The following DLG2 variants were observed in gnomAD, a reference collection of about 807,000 sequenced individuals.
DLG2 encodes discs large MAGUK scaffold protein 2, also known as disks large homolog 2.
Under a neutral mutation model 132.5 loss-of-function variants are expected in DLG2, and 45 were observed. That is an observed-to-expected ratio of 0.34 (90% CI 0.27 to 0.44). The LOEUF (loss-of-function observed/expected upper bound fraction) is 0.44, where lower values mean the gene tolerates loss of function less well. Among genes scored for constraint, DLG2 ranks in the 20% least tolerant of loss-of-function variants. The probability of loss-of-function intolerance (pLI) is 1.00; values close to 1 mark genes in which losing one functional copy is unlikely to be tolerated. For missense variants in DLG2, 1,045 were observed against 1,196.9 expected (o/e 0.87, Z 1.87); for synonymous variants, 424 against 419.6 (o/e 1.01, Z -0.13).
At chr11:83,571,981 A>G (rs1358482351) in intron 19 of DLG2, among the ~76,000 whole-genome samples, 1 of 152,088 alleles carries the variant, frequency 6.6e-6, no homozygotes, top group Non-Finnish European at 1.5e-5. Flanking sequence ...AACTCTCTGT[A>G]TGGTGTGATT....
At chr11:84,252,086 A>C (rs1291758053) in intron 7 of DLG2, among the ~76,000 whole-genome samples, 1 of 149,454 alleles carries the variant, frequency 6.7e-6, no homozygotes, top group Non-Finnish European at 1.5e-5. Context: ...GGCTTCACTT[A>C]TCAACATCTA....
intron 3 of DLG2, among the ~76,000 whole-genome samples, chr11:85,428,553 G>A (rs991148243): frequency 6.6e-6 from 1 of 152,128 alleles, no homozygotes; most frequent in Non-Finnish European, 1.5e-5. Flanking sequence ...AATGAAGGCA[G>A]AAATAAAGAT....
chr11:84,040,041 T>C (rs1333703463), intron 11 of DLG2, among the ~76,000 whole-genome samples: 1 of 151,808 alleles, frequency 6.6e-6, no homozygotes, highest in Non-Finnish European at 1.5e-5. Context: ...TCTGTTCATG[T>C]CCTTCGCCCA....
intron 21 of DLG2, among the ~76,000 whole-genome samples, chr11:83,527,207 G>T (rs757758997): frequency 2.0e-5 from 3 of 152,050 alleles, no homozygotes; most frequent in Non-Finnish European, 4.4e-5. Context: ...GCCCAAGTTA[G>T]GTTTTGACAA....
intron 10 of DLG2, among the ~76,000 whole-genome samples, chr11:84,093,226 C>T (rs7943187): frequency 0.012 from 1,816 of 152,208 alleles, 34 homozygotes; most frequent in African/African-American, 0.042. Context: ...ATTCTCATCT[C>T]AAGGTTCAGG....
At position 84,098,531 on chromosome 11, in the gene DLG2, T is replaced by C. The variant is rs568949598; in HGVS notation, c.749+392A>G. On this transcript the variant is annotated intron_variant, in intron 10 of 27. Coordinates refer to ENST00000376104, the MANE Select transcript of DLG2 (RefSeq NM_001142699.3). Reference sequence around the variant, plus strand: ...AAGCCCTATAAATGGTTGCCGAATATGAGAATACATACAATATCTACAACG... The same window carrying C: ...AAGCCCTATAAATGGTTGCCGAATACGAGAATACATACAATATCTACAACG... 5.3e-4 allele frequency among the ~76,000 whole-genome samples: 80 copies of C among 152,338 alleles called. 3 individuals carry two copies. The South Asian group carries it at 0.017, about 32-fold the overall frequency.
chr11:83,891,278 G>A (rs1196388435), intron 15 of DLG2, among the ~76,000 whole-genome samples: 1 of 151,968 alleles, frequency 6.6e-6, no homozygotes, highest in Non-Finnish European at 1.5e-5. Context: ...AAGAAGGAGA[G>A]AATTGAGAGG....
chr11:84,736,695 T>C (rs988849523), intron 6 of DLG2, among the ~76,000 whole-genome samples: 3 of 152,022 alleles, frequency 2.0e-5, no homozygotes, highest in Non-Finnish European at 4.4e-5. Context: ...CTAACTGTTG[T>C]TAGTACGTAG....
chr11:84,663,265 T>C (rs1343931184), intron 6 of DLG2, among the ~76,000 whole-genome samples: 1 of 151,260 alleles, frequency 6.6e-6, no homozygotes, highest in East Asian at 1.9e-4. Context: ...TTTTCATATA[T>C]TCTGCATGGT....
At chr11:85,066,797 A>G (rs953741274) in intron 6 of DLG2, among the ~76,000 whole-genome samples, 1 of 151,772 alleles carries the variant, frequency 6.6e-6, no homozygotes, top group African/African-American at 2.4e-5. Context: ...GCTTCAAGAC[A>G]ATAAAAGCCA....
At chr11:84,945,131 T>A (rs918491760) in intron 6 of DLG2, among the ~76,000 whole-genome samples, 2 of 152,134 alleles carry the variant, frequency 1.3e-5, no homozygotes, top group African/African-American at 4.8e-5. Context: ...AAGAGTTAGG[T>A]ATTTATTGTA....
At chr11:83,979,502 C>A (rs535425826) in intron 12 of DLG2, among the ~76,000 whole-genome samples, 4 of 152,290 alleles carry the variant, frequency 2.6e-5, no homozygotes, top group African/African-American at 4.8e-5. Context: ...GGACATAAGG[C>A]AGTTTTATTA....
intron 15 of DLG2, among the ~76,000 whole-genome samples, chr11:83,896,911 A>G (rs922915): frequency 0.42 from 63,698 of 152,008 alleles, 13,746 homozygotes; most frequent in South Asian, 0.6. Flanking sequence ...ACTACAGTAC[A>G]AGATTTTTTA....
intron 6 of DLG2, among the ~76,000 whole-genome samples, chr11:85,070,211 G>A (rs1261188271): frequency 1.3e-5 from 2 of 151,776 alleles, no homozygotes; most frequent in African/African-American, 4.8e-5. Context: ...TAAATGACGA[G>A]TTAATGGGTG....
chr11:83,535,560 T>C (rs1312706398), intron 20 of DLG2, among the ~76,000 whole-genome samples: 5 of 151,976 alleles, frequency 3.3e-5, no homozygotes, highest in African/African-American at 1.2e-4. Flanking sequence ...TTGCAAAGAA[T>C]ATTAAGTCAG....
chr11:84,130,521 C>G (rs1283771030), intron 9 of DLG2, among the ~76,000 whole-genome samples: 2 of 122,720 alleles, frequency 1.6e-5, no homozygotes, highest in Non-Finnish European at 3.5e-5. Flanking sequence ...CACACACACA[C>G]ACATATATGT....
chr11:83,725,118 C>T (rs978224471), intron 18 of DLG2: 6 of 534,176 alleles, frequency 1.1e-5, no homozygotes, highest in South Asian at 2.8e-5. Context: ...TTATTTTCTC[C>T]GTTTTAAACG....
chr11:85,251,357 T>C (rs2076386267), intron 4 of DLG2, among the ~76,000 whole-genome samples: 1 of 152,218 alleles, frequency 6.6e-6, no homozygotes, highest in Admixed American at 6.5e-5. Context: ...TAGCACATCG[T>C]TATATATATC....
At chr11:85,593,968 A>G (rs1221708207) in intron 3 of DLG2, among the ~76,000 whole-genome samples, 1 of 152,156 alleles carries the variant, frequency 6.6e-6, no homozygotes, top group Non-Finnish European at 1.5e-5. Context: ...ATTGCATAGC[A>G]CAATGTCCAA....
Sources: gnomAD v4.1 joint callset for allele counts (sites outside exome capture counted in the v4.1 genomes callset) on GRCh38, gnomAD v4.1.1 for gene constraint, MANE v1.5 for transcripts, NCBI Gene and HGNC (gene_info 2026-07-23, HGNC 2026-07-21) for gene names.